Variants in BSPH1 observed in about 807,000 individuals in gnomAD.
The protein encoded by BSPH1 is binder of sperm 1.
A neutral mutation model predicts 22.5 loss-of-function variants in BSPH1; 21 were observed. The observed-to-expected ratio is 0.93, with a 90% CI of 0.66 to 1.35. BSPH1 has a LOEUF of 1.35. BSPH1 is among the 40% of genes most tolerant of loss of function. The pLI is 0.00. For synonymous variants in BSPH1, 42 were observed against 53.6 expected (o/e 0.78, Z 0.95); for missense variants, 141 against 154.2 (o/e 0.91, Z 0.45).
chr19:47,986,407 G>A (rs1348186234), intron 1 of BSPH1, among the ~76,000 whole-genome samples: 6 of 152,114 alleles, frequency 3.9e-5, no homozygotes, highest in African/African-American at 9.7e-5. Context: ...GGAGAGCCGC[G>A]TGGCCTCTGT....
rs557166111 is a variant in BSPH1 at position 47,976,709 on chromosome 19, C to A, written c.*2+1G>T. On this transcript the variant is annotated splice_donor_variant, in intron 5 of 5. Coordinates refer to ENST00000344839, the MANE Select transcript of BSPH1 (RefSeq NM_001128326.2). LOFTEE classifies it low-confidence loss of function (3UTR_SPLICE). Reference sequence around the variant, plus strand: ...CATCCCCCTCCCCTGGTAAATCTCACCATCATTCACAGTATTTCCAAATTC... The same window carrying A: ...CATCCCCCTCCCCTGGTAAATCTCAACATCATTCACAGTATTTCCAAATTC... 1 of 1,551,428 alleles carries A rather than the reference C, an allele frequency of 6.4e-7. No individual in the cohort carries two copies. Among genetic ancestry groups the A allele is most frequent in the Non-Finnish European group, 8.7e-7 (1 of 1,146,722 alleles).
chr19:47,986,529 A>T (rs1367707680), intron 1 of BSPH1, among the ~76,000 whole-genome samples: 1 of 152,090 alleles, frequency 6.6e-6, no homozygotes, highest in Admixed American at 6.6e-5. Context: ...GCTTGAACCC[A>T]GGAGTTCGAG....
intron 5 of BSPH1, among the ~76,000 whole-genome samples, chr19:47,969,384 A>T (rs1196547574): frequency 6.6e-6 from 1 of 152,132 alleles, no homozygotes; most frequent in Non-Finnish European, 1.5e-5. Flanking sequence ...CAGATCCTTT[A>T]TCCAGTTTGA....
chr19:47,969,712 AG>A (rs1969292821), intron 5 of BSPH1, among the ~76,000 whole-genome samples: 1 of 150,938 alleles, frequency 6.6e-6, no homozygotes, highest in Non-Finnish European at 1.5e-5. Flanking sequence ...AGAGAGAGAG[AG>A]AGAGAGAGAG....
chr19:47,976,606 ACCC>A, intron 5 of BSPH1, 101 bp downstream of exon 5: 1 of 752,150 alleles, frequency 1.3e-6, no homozygotes, highest in East Asian at 2.9e-5. Context: ...ACAAAAAAAA[ACCC>A]TCTCTAATGA....
intron 3 of BSPH1, among the ~76,000 whole-genome samples, chr19:47,978,274 T>C (rs1397181436): frequency 6.6e-6 from 1 of 151,862 alleles, no homozygotes; most frequent in Non-Finnish European, 1.5e-5. Context: ...CCAGTTAATT[T>C]TTAAATTTTT....
At chr19:47,987,446 C>T (rs745735208) in intron 1 of BSPH1, among the ~76,000 whole-genome samples, 49 of 148,752 alleles carry the variant, frequency 3.3e-4, no homozygotes, top group Non-Finnish European at 6.2e-4. Context: ...AGTACAGTGG[C>T]GCTGTCATAG....
chr19:47,981,658 T>TCTGC (rs776946856), intron 1 of BSPH1: 28 of 626,210 alleles, frequency 4.5e-5, no homozygotes, highest in Non-Finnish European at 5.4e-5. Context: ...TTACCAACCA[T>TCTGC]CTGCCCTCAG....
rs1203321760 is a variant in BSPH1 at position 47,976,783 on chromosome 19, C to T, written c.328G>A (p.Ala110Thr). Residue 110 changes from alanine to threonine, a missense_variant, in exon 5 of 6, where the codon GCA becomes ACA. Transcript: ENST00000344839. ...IYWECTDDGE[A>T]FGKKWCSLTK... ...AGTGAACACCATTTTTTCCCAAATG[C>T]TTCCCCATCATCAGTACACTCCCAG... is the stretch of plus-strand genomic sequence containing the variant. The T allele has an allele frequency of 1.3e-6, 2 of 1,551,550 alleles. No individual in the cohort carries two copies. Among genetic ancestry groups the T allele is most frequent in the Non-Finnish European group, 8.7e-7 (1 of 1,146,846 alleles).
intron 5 of BSPH1, among the ~76,000 whole-genome samples, chr19:47,975,311 G>A (rs1023084812): frequency 7.2e-5 from 11 of 152,174 alleles, no homozygotes; most frequent in Middle Eastern, 3.4e-3. Flanking sequence ...GATTACAGGC[G>A]TCAGCCACCG....
chr19:47,986,614 G>A (rs762279453), intron 1 of BSPH1, among the ~76,000 whole-genome samples: 55 of 151,896 alleles, frequency 3.6e-4, no homozygotes, highest in Non-Finnish European at 6.6e-4. Flanking sequence ...GCATGGTGGC[G>A]TGCACCTGTA....
At chr19:47,970,686 C>T (rs1969303838) in intron 5 of BSPH1, among the ~76,000 whole-genome samples, 1 of 152,170 alleles carries the variant, frequency 6.6e-6, no homozygotes, top group South Asian at 2.1e-4. Context: ...AAATACCCTT[C>T]TCCTCTTCCT....
chr19:47,984,660 T>C (rs1238255732), intron 1 of BSPH1, among the ~76,000 whole-genome samples: 1 of 152,082 alleles, frequency 6.6e-6, no homozygotes, highest in Non-Finnish European at 1.5e-5. Flanking sequence ...GAAAACCAAA[T>C]ACCACATGTT....
intron 1 of BSPH1, among the ~76,000 whole-genome samples, chr19:47,982,906 A>G (rs1969432624): frequency 6.6e-6 from 1 of 152,222 alleles, no homozygotes; most frequent in Admixed American, 6.5e-5. Context: ...TAGAATAGTC[A>G]AATACATAGA....
chr19:47,972,824 C>CGTGT (rs539944224), intron 5 of BSPH1, among the ~76,000 whole-genome samples: 3 of 149,846 alleles, frequency 2.0e-5, no homozygotes, highest in Middle Eastern at 3.5e-3. Context: ...CCTATATATG[C>CGTGT]GTGTGTGTGT....
chr19:47,972,056 T>C (rs1969315357), intron 5 of BSPH1, among the ~76,000 whole-genome samples: 1 of 152,230 alleles, frequency 6.6e-6, no homozygotes, highest in African/African-American at 2.4e-5. Flanking sequence ...CTGGTTGTAA[T>C]TGATGTCTCT....
rs1269967190 is a variant in BSPH1, at chr19:47,968,504, C to T, written c.*3-295G>A. 3.3e-5 allele frequency among the ~76,000 whole-genome samples: 5 copies of T among 151,414 alleles called. 1 individual carries two copies. In the South Asian group the frequency reaches 1.0e-3, roughly 32 times the overall value. On this transcript the variant is annotated intron_variant, in intron 5 of 5. Transcript: ENST00000344839. ...TCCTGTGTAGCTGGAACTGCAGGCACGTTCCACCATGCCCAGCTAATTTTT... is the reference window on the plus strand; with the variant it reads ...TCCTGTGTAGCTGGAACTGCAGGCATGTTCCACCATGCCCAGCTAATTTTT...
At chr19:47,981,998 C>T (rs1969424643) in intron 1 of BSPH1, among the ~76,000 whole-genome samples, 1 of 152,118 alleles carries the variant, frequency 6.6e-6, no homozygotes, top group South Asian at 2.1e-4. Flanking sequence ...GCTTTAAGAA[C>T]AGTCATAACT....
intron 3 of BSPH1, among the ~76,000 whole-genome samples, chr19:47,978,286 G>T (rs939775198): frequency 8.6e-5 from 13 of 151,840 alleles, no homozygotes; most frequent in African/African-American, 1.5e-4. Context: ...TAAATTTTTT[G>T]TAGAGATGAG....
Sources: allele counts gnomAD v4.1 joint callset (sites outside exome capture counted in the v4.1 genomes callset), GRCh38; gene constraint gnomAD v4.1.1; transcripts MANE v1.5; gene names NCBI Gene and HGNC (gene_info 2026-07-23, HGNC 2026-07-21).